The following LIPM variants were observed in gnomAD, a reference collection of about 807,000 sequenced individuals.
LIPM encodes lipase family member M.
LIPM carries 42 observed loss-of-function variants against 42.4 expected under a neutral mutation model. The observed-to-expected ratio is 0.99, with a 90% CI of 0.77 to 1.28. The LOEUF (loss-of-function observed/expected upper bound fraction) is 1.28, where lower values mean the gene tolerates loss of function less well. LIPM is among the 50% of genes most tolerant of loss of function. The pLI, the probability that LIPM is intolerant of heterozygous loss-of-function variation, is 0.00. For synonymous variants in LIPM, 177 were observed against 173.3 expected, an observed-to-expected ratio of 1.02 and a Z score of -0.17; for missense variants, 524 against 520.1, an observed-to-expected ratio of 1.01 and a Z score of -0.07.
chr10:88,816,925 T>C (rs1174085185), intron 7 of LIPM, 38 bp downstream of exon 7: 5 of 1,430,176 alleles, frequency 3.5e-6, no homozygotes, highest in Non-Finnish European at 4.8e-6. Context: ...CTAAATGTCC[T>C]GTTATATTTT....
chr10:88,814,663 T>C (rs1267873751), intron 4 of LIPM, 24 bp downstream of exon 4: 1 of 1,513,270 alleles, frequency 6.6e-7, no homozygotes, highest in Admixed American at 2.0e-5. Context: ...AAAGCAGGTT[T>C]GTATACTCGG....
chr10:88,815,589 G>A, intron 6 of LIPM, 86 bp downstream of exon 6: 1 of 1,167,108 alleles, frequency 8.6e-7, no homozygotes, highest in Non-Finnish European at 1.2e-6. Flanking sequence ...GCTAATGCCA[G>A]TGAAGACTCA....
At chr10:88,803,263 C>T (rs1843549465) in intron 1 of LIPM, among the ~76,000 whole-genome samples, 3 of 152,186 alleles carry the variant, frequency 2.0e-5, no homozygotes, top group Middle Eastern at 3.2e-3. Context: ...GACTTAATCT[C>T]TTTGAGCTTC....
chr10:88,806,150 A>G (rs1026987691), intron 1 of LIPM: 1 of 350,798 alleles, frequency 2.9e-6, no homozygotes, highest in Non-Finnish European at 5.6e-6. Flanking sequence ...TATTGCCTGC[A>G]TAAATTTTCC....
At chr10:88,819,340 T>A (rs898249080) in intron 8 of LIPM, among the ~76,000 whole-genome samples, 3 of 152,154 alleles carry the variant, frequency 2.0e-5, no homozygotes. Context: ...GAGCGAGATA[T>A]GACATTCAGT....
chr10:88,817,742 C>G (rs1042242485), intron 7 of LIPM, 83 bp from the exon 8 acceptor site: 15 of 892,580 alleles, frequency 1.7e-5, no homozygotes. Context: ...CATGAGTGCA[C>G]ACTGGGTAGC....
chr10:88,805,502 T>TA (rs1242238100), intron 1 of LIPM, among the ~76,000 whole-genome samples: 1 of 152,206 alleles, frequency 6.6e-6, no homozygotes, highest in Admixed American at 6.6e-5. Flanking sequence ...ATAGAAAATT[T>TA]AAAAAATACA....
At position 88,820,419 on chromosome 10, in the gene LIPM, A is replaced by G. The variant is rs908288272; in HGVS notation, c.1190A>G (p.His397Arg). Reference protein sequence around the residue: ...VDFIWGLDAPHRMYNEIIHLM... With the variant: ...VDFIWGLDAPRRMYNEIIHLM... Reference sequence around the variant, plus strand: ...TTCATCTGGGGTTTGGATGCTCCTCACCGTATGTACAATGAAATCATCCAT... The same window carrying G: ...TTCATCTGGGGTTTGGATGCTCCTCGCCGTATGTACAATGAAATCATCCAT... Residue 397 changes from histidine to arginine, a missense_variant, in exon 9 of 9, where the codon CAC becomes CGC. Coordinates refer to ENST00000404743, the MANE Select transcript of LIPM (RefSeq NM_001128215.1). 3.2e-6 allele frequency: 5 copies of G among 1,552,116 alleles called. No individual in the cohort carries two copies. The highest frequency in any genetic ancestry group is 2.4e-5 in the East Asian group (1 of 40,922).
chr10:88,814,696 T>A, intron 4 of LIPM, 57 bp downstream of exon 4: 1 of 1,281,210 alleles, frequency 7.8e-7, no homozygotes, highest in Non-Finnish European at 1.1e-6. Flanking sequence ...CATACGACAC[T>A]AGCTATCCCT....
intron 1 of LIPM, among the ~76,000 whole-genome samples, chr10:88,807,892 G>A (rs964679109): frequency 1.3e-5 from 2 of 152,274 alleles, no homozygotes; most frequent in East Asian, 1.9e-4. Flanking sequence ...TGCACAACGA[G>A]GTTTTGGAAT....
chr10:88,811,467 T>C (rs145372416), intron 2 of LIPM, among the ~76,000 whole-genome samples: 86 of 152,332 alleles, frequency 5.6e-4, no homozygotes, highest in African/African-American at 2.0e-3. Flanking sequence ...GGGCATGACA[T>C]ATTTTTTACT....
intron 3 of LIPM, among the ~76,000 whole-genome samples, chr10:88,814,206 A>C (rs1346062686): frequency 1.3e-5 from 2 of 152,238 alleles, no homozygotes; most frequent in Non-Finnish European, 2.9e-5. Context: ...ATGAATCTGC[A>C]GAGCCCTGTG....
intron 4 of LIPM, 131 bp downstream of exon 4, chr10:88,814,770 C>T: frequency 1.4e-6 from 1 of 709,264 alleles, no homozygotes. Context: ...ATGTAGTCCC[C>T]AGCAATGTGT....
At chr10:88,819,170 G>A (rs1017896872) in intron 8 of LIPM, among the ~76,000 whole-genome samples, 3 of 152,054 alleles carry the variant, frequency 2.0e-5, no homozygotes, top group Admixed American at 6.6e-5. Flanking sequence ...GATTACAGGC[G>A]TGAGCCACTG....
At chr10:88,807,679 G>A (rs1843605823) in intron 1 of LIPM, among the ~76,000 whole-genome samples, 1 of 152,096 alleles carries the variant, frequency 6.6e-6, no homozygotes, top group South Asian at 2.1e-4. Flanking sequence ...ATTCACAGAG[G>A]GAACTTTAAC....
chr10:88,818,525 A>G (rs1843745456), intron 8 of LIPM, among the ~76,000 whole-genome samples: 1 of 152,254 alleles, frequency 6.6e-6, no homozygotes, highest in Non-Finnish European at 1.5e-5. Flanking sequence ...ATGAACTAAA[A>G]TTAGATATCA....
At chr10:88,811,047 C>T (rs904251939) in intron 2 of LIPM, among the ~76,000 whole-genome samples, 3 of 152,216 alleles carry the variant, frequency 2.0e-5, no homozygotes, top group African/African-American at 7.2e-5. Context: ...CACACGTTCT[C>T]TCCCTTGAGA....
intron 2 of LIPM, among the ~76,000 whole-genome samples, chr10:88,811,470 T>C (rs911949115): frequency 6.6e-6 from 1 of 152,224 alleles, no homozygotes; most frequent in East Asian, 1.9e-4. Flanking sequence ...CATGACATAT[T>C]TTTTACTCCT....
At chr10:88,803,430 C>T (rs147708975) in intron 1 of LIPM, among the ~76,000 whole-genome samples, 1 of 152,062 alleles carries the variant, frequency 6.6e-6, no homozygotes, top group Admixed American at 6.6e-5. Context: ...AGGTGTCAGC[C>T]TTTGCTTCTT....
Sources: allele counts gnomAD v4.1 joint callset (sites outside exome capture counted in the v4.1 genomes callset), GRCh38; gene constraint gnomAD v4.1.1; transcripts MANE v1.5; gene names NCBI Gene and HGNC (gene_info 2026-07-23, HGNC 2026-07-21).